The following GPN3 variants were observed in gnomAD, a reference collection of about 807,000 sequenced individuals.
GPN3 encodes the protein GPN-loop GTPase 3, also known as ATP-binding domain 1 family member C.
GPN3 carries 31 observed loss-of-function variants against 38.7 expected under a neutral mutation model. That is an observed-to-expected ratio of 0.80 (90% CI 0.60 to 1.08). The LOEUF (loss-of-function observed/expected upper bound fraction) is 1.08, where lower values mean the gene tolerates loss of function less well. Ranked by LOEUF, GPN3 falls within the 50% of genes least tolerant of loss-of-function variation. The probability of loss-of-function intolerance (pLI) is 0.00; values close to 1 mark genes in which losing one functional copy is unlikely to be tolerated. For missense variants in GPN3, 301 were observed against 354.4 expected (o/e 0.85, Z 1.21); for synonymous variants, 116 against 120.2 (o/e 0.96, Z 0.23).
At chr12:110,462,031 T>C (rs1220329152) in intron 2 of GPN3, among the ~76,000 whole-genome samples, 2 of 151,996 alleles carry the variant, frequency 1.3e-5, no homozygotes, top group Non-Finnish European at 2.9e-5. Flanking sequence ...CTTGTAGAGA[T>C]GGGGTTTCAC....
chr12:110,459,599 T>C (rs1425111231), intron 3 of GPN3, 96 bp downstream of exon 3: 3 of 839,444 alleles, frequency 3.6e-6, no homozygotes, highest in African/African-American at 1.7e-5. Context: ...TACTGCAGTA[T>C]AGTTTAGAGC....
intron 2 of GPN3, among the ~76,000 whole-genome samples, chr12:110,461,522 C>T (rs2062590249): frequency 1.3e-5 from 2 of 151,894 alleles, no homozygotes; most frequent in Admixed American, 1.3e-4. Context: ...ATCACTTGAA[C>T]CCAGGAGGCA....
intron 3 of GPN3, among the ~76,000 whole-genome samples, chr12:110,459,485 C>A (rs1444408639): frequency 6.6e-6 from 1 of 152,180 alleles, no homozygotes; most frequent in African/African-American, 2.4e-5. Context: ...CGTGATCCAC[C>A]TGCCTCGGCC....
intron 2 of GPN3, chr12:110,464,675 C>G (rs2062614236): frequency 6.1e-6 from 1 of 163,008 alleles, no homozygotes; most frequent in Non-Finnish European, 1.3e-5. Flanking sequence ...TCACTGCAAC[C>G]TCTGTCTCCT....
At chr12:110,455,745 C>T in intron 5 of GPN3, 63 bp from the exon 6 acceptor site, 1 of 1,040,868 alleles carries the variant, frequency 9.6e-7, no homozygotes, top group African/African-American at 1.6e-5. Context: ...CCAAACTTCC[C>T]ATCTAAATAA....
chr12:110,457,742 A>G, intron 3 of GPN3, 108 bp from the exon 4 acceptor site: 1 of 688,152 alleles, frequency 1.5e-6, no homozygotes, highest in Non-Finnish European at 2.4e-6. Context: ...AAGCCAACAC[A>G]TTTTTAAGGG....
intron 1 of GPN3, among the ~76,000 whole-genome samples, chr12:110,465,444 C>G (rs2062620647): frequency 6.6e-6 from 1 of 152,178 alleles, no homozygotes. Flanking sequence ...TTTCGTGTCT[C>G]TAACTGGGAT....
chr12:110,458,945 T>C lies in GPN3; in HGVS notation c.325+750A>G, dbSNP rs1001989690. On this transcript the variant is annotated intron_variant, in intron 3 of 7. Coordinates refer to ENST00000228827, the MANE Select transcript of GPN3 (RefSeq NM_016301.4). The surrounding 1 kb of genome is among the most constrained non-coding windows in gnomAD (Gnocchi z 4.4). ...GCCTTAAAACAGCTTTGTTCCTTCC[T>C]CCTGGGAGGTGTTCAGCAGGCTGTG... Among the ~76,000 whole-genome samples, 1 of 152,172 alleles carries C rather than the reference T, an allele frequency of 6.6e-6. No individual in the cohort carries two copies. The highest frequency in any genetic ancestry group is 1.5e-5 in the Non-Finnish European group (1 of 68,032).
At chr12:110,459,519 C>T (rs1340563863) in intron 3 of GPN3, among the ~76,000 whole-genome samples, 176 bp downstream of exon 3, 4 of 152,164 alleles carry the variant, frequency 2.6e-5, no homozygotes, top group Non-Finnish European at 5.9e-5. Flanking sequence ...GGATTACAGG[C>T]GTGAGCCACT....
chr12:110,459,895 T>C, intron 2 of GPN3, 33 bp from the exon 3 acceptor site: 3 of 1,555,234 alleles, frequency 1.9e-6, no homozygotes, highest in Non-Finnish European at 1.8e-6. Flanking sequence ...AGAATATATG[T>C]GTCCCTTCAA....
chr12:110,458,812 G>T lies in GPN3; in HGVS notation c.325+883C>A, dbSNP rs1046695668. 6.6e-6 allele frequency among the ~76,000 whole-genome samples: 1 copy of T among 151,750 alleles called. No individual in the cohort carries two copies. Among genetic ancestry groups the T allele is most frequent in the Non-Finnish European group, 1.5e-5 (1 of 67,934 alleles). On this transcript the variant is annotated intron_variant, in intron 3 of 7. Transcript: ENST00000228827. The surrounding 1 kb of genome is among the most constrained non-coding windows in gnomAD (Gnocchi z 4.4). ...AAGAAAAAAAAAAAAGAAAATTCAC[G>T]ATTTGGCTTCAGAAGCCATGATGTG... is the stretch of plus-strand genomic sequence containing the variant.
chr12:110,459,326 C>A (rs1000867822), intron 3 of GPN3, among the ~76,000 whole-genome samples: 2 of 151,814 alleles, frequency 1.3e-5, no homozygotes, highest in African/African-American at 2.4e-5. Flanking sequence ...CTGCAAGCTC[C>A]ACCTCCCAGG....
chr12:110,459,827 C>G lies in GPN3; in HGVS notation c.193G>C (p.Glu65Gln). 1 of 1,614,022 alleles carries G rather than the reference C, an allele frequency of 6.2e-7. No individual in the cohort carries two copies. The change falls in exon 3 of 8, where the codon GAG becomes CAG. Residue 65 changes from glutamate to glutamine, a missense_variant. Physicochemically the swap from Glu to Gln is conservative, Grantham distance 29. Coordinates refer to ENST00000228827, the MANE Select transcript of GPN3 (RefSeq NM_016301.4). ...GGACCGAATCGCAGAGAATCATCCT[C>G]CATTACATCATCCACCTCGATCAGT... ...RELIEVDDVM[E>Q]DDSLRFGPNG... is the part of the protein sequence containing the mutation.
At chr12:110,455,154 T>G (rs1369061463) in intron 6 of GPN3, among the ~76,000 whole-genome samples, 4 of 151,542 alleles carry the variant, frequency 2.6e-5, no homozygotes, top group African/African-American at 9.7e-5. Context: ...GACAAAGTCT[T>G]ACTCTGTCGC....
intron 2 of GPN3, among the ~76,000 whole-genome samples, chr12:110,461,574 T>C (rs2062590419): frequency 6.6e-6 from 1 of 151,824 alleles, no homozygotes; most frequent in South Asian, 2.1e-4. Context: ...CACTCCAGCC[T>C]GGGTGGCAGA....
At chr12:110,455,770 C>T (rs1178180117) in intron 5 of GPN3, 45 bp downstream of exon 5, 2 of 1,123,838 alleles carry the variant, frequency 1.8e-6, no homozygotes, top group South Asian at 1.2e-5. Flanking sequence ...GAAGGTTCAT[C>T]TCTGCAACTG....
At chr12:110,467,844 CTTAA>C (rs766792660) in intron 1 of GPN3, among the ~76,000 whole-genome samples, 16 of 152,108 alleles carry the variant, frequency 1.1e-4, no homozygotes, top group Admixed American at 9.2e-4. Context: ...GGGCAAAGAA[CTTAA>C]TTAACCTTTC....
chr12:110,461,210 A>G lies in GPN3; in HGVS notation c.158-1348T>C. 2.3e-6 allele frequency: 3 copies of G among 1,297,644 alleles called. No individual in the cohort carries two copies. The Middle Eastern group carries it at 5.5e-4, about 239-fold the overall frequency. 80.4% of individuals were successfully genotyped at this position (1,297,644 alleles called of 1,614,324 possible). ...CAGGCTCAACAAAGCTGTCTGGGCCAAAGGAATAAGGAATGTCCCATACTG... is the reference window on the plus strand; with the variant it reads ...CAGGCTCAACAAAGCTGTCTGGGCCGAAGGAATAAGGAATGTCCCATACTG... On this transcript the variant is annotated intron_variant, in intron 2 of 7. Transcript: ENST00000228827.
upstream of GPN3, chr12:110,468,608 T>A (rs1385699532): frequency 1.3e-6 from 2 of 1,537,090 alleles, no homozygotes; most frequent in African/African-American, 2.7e-5. Context: ...AATACTGAAG[T>A]GGAAGGCACC....
Sources: allele counts gnomAD v4.1 joint callset (sites outside exome capture counted in the v4.1 genomes callset), GRCh38; gene constraint gnomAD v4.1.1; non-coding constraint Gnocchi (gnomAD v3.1); transcripts MANE v1.5; gene names NCBI Gene and HGNC (gene_info 2026-07-23, HGNC 2026-07-21).